The following TXNDC16 variants were observed in gnomAD, a reference collection of about 807,000 sequenced individuals.
TXNDC16 encodes thioredoxin domain-containing protein 16.
TXNDC16 carries 74 observed loss-of-function variants against 85.6 expected under a neutral mutation model. That is an observed-to-expected ratio of 0.86 (90% CI 0.72 to 1.05). TXNDC16 has a LOEUF of 1.05. TXNDC16 is among the 50% of genes least tolerant of loss of function. The probability of loss-of-function intolerance (pLI) is 0.00; values close to 1 mark genes in which losing one functional copy is unlikely to be tolerated. For missense variants in TXNDC16, 959 were observed against 947.0 expected, an observed-to-expected ratio of 1.01 and a Z score of -0.17; for synonymous variants, 335 against 326.5, an observed-to-expected ratio of 1.03 and a Z score of -0.28.
At chr14:52,480,574 T>A (rs1031598714) in intron 14 of TXNDC16, among the ~76,000 whole-genome samples, 1 of 151,950 alleles carries the variant, frequency 6.6e-6, no homozygotes, top group African/African-American at 2.4e-5. Flanking sequence ...GAAAAAATGC[T>A]CAACAACACC....
At chr14:52,510,062 G>C (rs2036920717) in intron 9 of TXNDC16, among the ~76,000 whole-genome samples, 1 of 151,256 alleles carries the variant, frequency 6.6e-6, no homozygotes, top group South Asian at 2.1e-4. Flanking sequence ...TTTAAGTGCA[G>C]AAGCAATGCT....
In TXNDC16 at chr14:52,432,066, A is replaced by C; in HGVS notation, c.*238T>G. On this transcript the variant is annotated 3_prime_UTR_variant, in exon 21 of 21. Coordinates refer to ENST00000281741, the MANE Select transcript of TXNDC16 (RefSeq NM_020784.3). ...AAAATATCTCATTAATAATTTCTAT[A>C]TTTCGCTATTTTGGGTATACTACTG... The C allele has an allele frequency of 3.0e-6, 1 of 330,898 alleles. No individual in the cohort carries two copies. The highest frequency in any genetic ancestry group is 5.4e-6 in the Non-Finnish European group (1 of 185,974). The allele number at this position is 330,898 out of a possible 1,614,324, so 20.5% of individuals were successfully genotyped here.
chr14:52,501,855 G>T (rs573729653), intron 9 of TXNDC16, among the ~76,000 whole-genome samples: 35 of 152,214 alleles, frequency 2.3e-4, no homozygotes, highest in Non-Finnish European at 2.9e-5. Context: ...ATACTGATAT[G>T]GTCAAATGTT....
At chr14:52,542,020 C>G (rs529405606) in intron 4 of TXNDC16, among the ~76,000 whole-genome samples, 8 of 152,202 alleles carry the variant, frequency 5.3e-5, no homozygotes, top group Admixed American at 2.0e-4. Context: ...AATTTAAAAA[C>G]AGCTGAATTG....
chr14:52,531,919 G>GC (rs1350769041), intron 6 of TXNDC16, among the ~76,000 whole-genome samples: 1 of 152,002 alleles, frequency 6.6e-6, no homozygotes, highest in Non-Finnish European at 1.5e-5. Flanking sequence ...GGGATTTTCT[G>GC]TACTATCTGC....
chr14:52,512,778 C>T (rs1306164604), intron 8 of TXNDC16, among the ~76,000 whole-genome samples: 1 of 152,154 alleles, frequency 6.6e-6, no homozygotes, highest in Admixed American at 6.5e-5. Flanking sequence ...AAACAGCAAG[C>T]GTTCAGGGAA....
At chr14:52,515,709 G>A (rs895190250) in intron 7 of TXNDC16, among the ~76,000 whole-genome samples, 43 of 136,570 alleles carry the variant, frequency 3.1e-4, no homozygotes, top group African/African-American at 1.1e-3. Context: ...GTGTGTGTGT[G>A]TATCATATAT....
chr14:52,473,856 T>C (rs569996153), intron 14 of TXNDC16, among the ~76,000 whole-genome samples: 1 of 151,998 alleles, frequency 6.6e-6, no homozygotes, highest in Non-Finnish European at 1.5e-5. Context: ...CAAAGTCAGA[T>C]CTGTCAGAAA....
chr14:52,459,548 C>T (rs770762188), intron 16 of TXNDC16, among the ~76,000 whole-genome samples: 4 of 152,180 alleles, frequency 2.6e-5, no homozygotes, highest in Admixed American at 6.6e-5. Flanking sequence ...ATTAAGGAGG[C>T]GGGACTCCTC....
chr14:52,530,358 A>ATTAT (rs1456337978), intron 6 of TXNDC16, among the ~76,000 whole-genome samples: 1 of 38,148 alleles, frequency 2.6e-5, no homozygotes, highest in African/African-American at 1.3e-4. Flanking sequence ...TTATAATATA[A>ATTAT]TATATATTAT....
chr14:52,530,466 TATATATTATTATATATAATATTATATATA>T (rs2037520583), intron 6 of TXNDC16, among the ~76,000 whole-genome samples: 1 of 1,278 alleles, frequency 7.8e-4, no homozygotes, highest in African/African-American at 4.1e-3. Context: ...TAATATATAT[TATATATTATTATATATAATATTATATATA>T]ATAATATAAT....
intron 14 of TXNDC16, among the ~76,000 whole-genome samples, chr14:52,480,019 A>G (rs948305673): frequency 6.6e-6 from 1 of 152,170 alleles, no homozygotes; most frequent in Non-Finnish European, 1.5e-5. Flanking sequence ...CCTAATACTT[A>G]CAGCCAACTG....
At chr14:52,486,048 A>G (rs1398162028) in intron 12 of TXNDC16, among the ~76,000 whole-genome samples, 2 of 152,046 alleles carry the variant, frequency 1.3e-5, no homozygotes, top group African/African-American at 4.8e-5. Flanking sequence ...TGACACTAAA[A>G]ATTACATTCT....
chr14:52,503,796 G>A (rs929145076), intron 9 of TXNDC16, among the ~76,000 whole-genome samples: 4 of 152,110 alleles, frequency 2.6e-5, no homozygotes, highest in East Asian at 1.9e-4. Context: ...AAGGAAGTTC[G>A]AAGCCATGGC....
chr14:52,526,626 T>C (rs992777415), intron 6 of TXNDC16, among the ~76,000 whole-genome samples: 1 of 152,316 alleles, frequency 6.6e-6, no homozygotes, highest in East Asian at 1.9e-4. Flanking sequence ...CTGTAAAATA[T>C]GTATTTGGTC....
At chr14:52,442,467 AC>A (rs1054404129) in intron 18 of TXNDC16, among the ~76,000 whole-genome samples, 2 of 152,172 alleles carry the variant, frequency 1.3e-5, no homozygotes, top group African/African-American at 4.8e-5. Flanking sequence ...TAATGGTGTC[AC>A]CCACCTCTAA....
At chr14:52,480,788 A>C (rs1052176734) in intron 14 of TXNDC16, among the ~76,000 whole-genome samples, 6 of 151,526 alleles carry the variant, frequency 4.0e-5, no homozygotes, top group African/African-American at 1.5e-4. Flanking sequence ...ACTAAAAGGA[A>C]CTTGATCCAG....
At chr14:52,472,777 G>A (rs2035937643) in intron 14 of TXNDC16, among the ~76,000 whole-genome samples, 1 of 152,160 alleles carries the variant, frequency 6.6e-6, no homozygotes, top group African/African-American at 2.4e-5. Flanking sequence ...CACTTAGGCA[G>A]ATAGCAAGGG....
chr14:52,515,433 G>C (rs2037058490), intron 7 of TXNDC16, among the ~76,000 whole-genome samples: 1 of 151,550 alleles, frequency 6.6e-6, no homozygotes. Context: ...GTAGGGAAGA[G>C]AATATGAATC....
Sources: gnomAD v4.1 joint callset for allele counts (sites outside exome capture counted in the v4.1 genomes callset) on GRCh38, gnomAD v4.1.1 for gene constraint, MANE v1.5 for transcripts, NCBI Gene and HGNC (gene_info 2026-07-23, HGNC 2026-07-21) for gene names.